VAT1L: variants seen among roughly 807,000 people sequenced by gnomAD.
VAT1L encodes the protein vesicle amine transport 1 like.
VAT1L carries 34 observed loss-of-function variants against 44.1 expected under a neutral mutation model. The observed-to-expected ratio is 0.77, with a 90% CI of 0.59 to 1.03. The LOEUF is 1.03. VAT1L is among the 50% of genes least tolerant of loss of function. The probability of loss-of-function intolerance (pLI) is 0.00; values close to 1 mark genes in which losing one functional copy is unlikely to be tolerated. For missense variants in VAT1L, 615 were observed against 538.8 expected (o/e 1.14, Z -1.40); for synonymous variants, 253 against 202.2 (o/e 1.25, Z -2.13).
chr16:77,932,299 G>A (rs1174578230), intron 7 of VAT1L, among the ~76,000 whole-genome samples: 1 of 151,862 alleles, frequency 6.6e-6, no homozygotes, highest in East Asian at 1.9e-4. Flanking sequence ...TAGAGACGGG[G>A]TTTCACCGTG....
At chr16:77,851,915 C>T (rs2016812370) in intron 3 of VAT1L, among the ~76,000 whole-genome samples, 1 of 152,148 alleles carries the variant, frequency 6.6e-6, no homozygotes, top group Non-Finnish European at 1.5e-5. Flanking sequence ...AGATTCTGCT[C>T]CTGTCCTTCT....
chr16:77,876,562 A>C, intron 5 of VAT1L, 89 bp downstream of exon 5: 1 of 1,183,408 alleles, frequency 8.5e-7, no homozygotes, highest in Non-Finnish European at 1.3e-6. Context: ...AATTGTGCTG[A>C]TATGTTGGGG....
chr16:77,817,857 A>G (rs1247442377), intron 2 of VAT1L, among the ~76,000 whole-genome samples: 1 of 152,192 alleles, frequency 6.6e-6, no homozygotes, highest in East Asian at 1.9e-4. Context: ...ATCAGGTACA[A>G]GGGCTCTTAC....
chr16:77,956,079 A>C (rs2018100550), intron 7 of VAT1L, among the ~76,000 whole-genome samples: 1 of 152,168 alleles, frequency 6.6e-6, no homozygotes, highest in Non-Finnish European at 1.5e-5. Context: ...AAAGAGTATA[A>C]TTGGATTGTT....
intron 1 of VAT1L, among the ~76,000 whole-genome samples, chr16:77,810,787 G>T (rs2016251154): frequency 1.3e-5 from 2 of 152,166 alleles, no homozygotes; most frequent in African/African-American, 2.4e-5. Context: ...GAGCCTATAA[G>T]ATCCATAAAG....
chr16:77,814,470 G>C (rs891073827), intron 1 of VAT1L, among the ~76,000 whole-genome samples: 1 of 152,204 alleles, frequency 6.6e-6, no homozygotes, highest in African/African-American at 2.4e-5. Context: ...CTGGCTCTCA[G>C]TTTACCATCA....
intron 3 of VAT1L, among the ~76,000 whole-genome samples, chr16:77,861,482 C>G (rs1418851168): frequency 6.6e-6 from 1 of 152,240 alleles, no homozygotes; most frequent in Non-Finnish European, 1.5e-5. Context: ...GTGTTGACCT[C>G]TTCTCTATAT....
Position 77,977,403 on chromosome 16 carries a change from T to C in VAT1L, c.1162-194T>C, listed in dbSNP as rs79354798. Among the ~76,000 whole-genome samples, 1,475 of 152,282 alleles carry C rather than the reference T, an allele frequency of 9.7e-3. 25 individuals carry two copies. Among genetic ancestry groups the C allele is most frequent in the African/African-American group, 0.034 (1,395 of 41,568 alleles). ...TCATCTCCTAAATTCCAGATACTGG[T>C]ATTCAAATCCTTATCTCAGCACCGT... On this transcript the variant is annotated intron_variant, in intron 8 of 8. Transcript: ENST00000302536.
intron 7 of VAT1L, among the ~76,000 whole-genome samples, chr16:77,937,750 C>A (rs905660381): frequency 6.6e-6 from 1 of 152,144 alleles, no homozygotes; most frequent in African/African-American, 2.4e-5. Context: ...ATTCTCAGAC[C>A]GGGAGAAGGA....
Position 77,879,344 on chromosome 16 carries a change from G to A in VAT1L, c.882+120G>A. On this transcript the variant is annotated intron_variant, in intron 6 of 8. Transcript: ENST00000302536. The surrounding 1 kb of genome is among the most constrained non-coding windows in gnomAD (Gnocchi z 4.1). Reference sequence around the variant, plus strand: ...TCTCGTTCTGTCACCAGGCTGGAGTGCAATGGCACGATCTCGGCTCATGGC... The same window carrying A: ...TCTCGTTCTGTCACCAGGCTGGAGTACAATGGCACGATCTCGGCTCATGGC... 3.7e-6 allele frequency: 4 copies of A among 1,073,626 alleles called. No individual in the cohort carries two copies. The highest frequency in any genetic ancestry group is 5.7e-6 in the Non-Finnish European group (4 of 705,028). 66.5% of individuals were successfully genotyped at this position (1,073,626 alleles called of 1,614,324 possible).
chr16:77,838,385 A>G (rs150668520), intron 3 of VAT1L, among the ~76,000 whole-genome samples: 38 of 152,106 alleles, frequency 2.5e-4, no homozygotes, highest in African/African-American at 9.2e-4. Context: ...TCTCACTGAC[A>G]CCCACCAGGA....
chr16:77,901,654 GCACTT>G (rs2017385137), intron 7 of VAT1L, among the ~76,000 whole-genome samples: 2 of 152,046 alleles, frequency 1.3e-5, no homozygotes, highest in Non-Finnish European at 2.9e-5. Flanking sequence ...CAGGCCATCA[GCACTT>G]CCTTCTACAC....
intron 7 of VAT1L, among the ~76,000 whole-genome samples, chr16:77,955,097 G>C (rs1026711703): frequency 5.3e-5 from 8 of 152,318 alleles, no homozygotes; most frequent in African/African-American, 1.9e-4. Flanking sequence ...TTGGGAAAGA[G>C]CAGAACAAAA....
chr16:77,875,227 T>A (rs944507177), intron 4 of VAT1L, among the ~76,000 whole-genome samples: 2 of 152,240 alleles, frequency 1.3e-5, no homozygotes, highest in Non-Finnish European at 2.9e-5. Flanking sequence ...AAGGGCATAG[T>A]CACATAAAGA....
At chr16:77,943,754 C>T (rs1013105091) in intron 7 of VAT1L, among the ~76,000 whole-genome samples, 2 of 152,112 alleles carry the variant, frequency 1.3e-5, no homozygotes, top group African/African-American at 4.8e-5. Context: ...TGGTCTCAGA[C>T]AAGTCACTTA....
rs2017125886 is a variant in VAT1L, at chr16:77,879,438, G to GCA, written c.882+215_882+216insAC. On this transcript the variant is annotated intron_variant, in intron 6 of 8. Coordinates refer to ENST00000302536, the MANE Select transcript of VAT1L (RefSeq NM_020927.3). This position sits in a 1 kb window ranked among gnomAD's most constrained non-coding sequence, Gnocchi z 4.1. ...CCCTAGTAGCTGGGATTACAGGCAT[G>GCA]CGCCACCATACCCAGCTAATTTTTG... 6.6e-6 allele frequency among the ~76,000 whole-genome samples: 1 copy of GCA among 152,172 alleles called. No individual in the cohort carries two copies. The highest frequency in any genetic ancestry group is 1.5e-5 in the Non-Finnish European group (1 of 68,026).
intron 2 of VAT1L, among the ~76,000 whole-genome samples, chr16:77,821,421 C>T: frequency 6.6e-6 from 1 of 151,932 alleles, no homozygotes; most frequent in East Asian, 1.9e-4. Flanking sequence ...CTGCCTCAGC[C>T]TCCCAAGTAG....
intron 1 of VAT1L, among the ~76,000 whole-genome samples, chr16:77,814,616 A>G (rs11640389): frequency 0.022 from 3,318 of 152,266 alleles, 61 homozygotes; most frequent in African/African-American, 0.052. Context: ...CATTTTTCCA[A>G]CAGGGCCTTG....
intron 2 of VAT1L, among the ~76,000 whole-genome samples, chr16:77,817,454 C>T (rs1351246653): frequency 6.6e-6 from 1 of 152,156 alleles, no homozygotes; most frequent in African/African-American, 2.4e-5. Context: ...TATTTTATAA[C>T]CTGGCTCCCT....
Sources: gnomAD v4.1 joint callset for allele counts (sites outside exome capture counted in the v4.1 genomes callset) on GRCh38, gnomAD v4.1.1 for gene constraint, Gnocchi (gnomAD v3.1) non-coding constraint, MANE v1.5 for transcripts, NCBI Gene and HGNC (gene_info 2026-07-23, HGNC 2026-07-21) for gene names.